LNPEP: variants seen among roughly 807,000 people sequenced by gnomAD.
LNPEP encodes leucyl and cystinyl aminopeptidase, also known as leucyl-cystinyl aminopeptidase.
In LNPEP, 64 loss-of-function variants were observed where a neutral mutation model predicts 120.6. The ratio of observed to expected loss-of-function variants is 0.53; its 90% CI spans 0.43 to 0.65. The LOEUF is 0.65. LNPEP is among the 30% of genes least tolerant of loss of function. The pLI, the probability that LNPEP is intolerant of heterozygous loss-of-function variation, is 0.00. For synonymous variants in LNPEP, 435 were observed against 425.4 expected (o/e 1.02, Z -0.28); for missense variants, 1,057 against 1,200.0 (o/e 0.88, Z 1.76).
chr5:97,028,014 CA>C (rs1458201090), intron 17 of LNPEP, among the ~76,000 whole-genome samples, 200 bp downstream of exon 17: 1 of 152,144 alleles, frequency 6.6e-6, no homozygotes, highest in Non-Finnish European at 1.5e-5. Flanking sequence ...AATCTGATTC[CA>C]TTCTCTTCCC....
chr5:96,939,050 C>A (rs1466829530), intron 1 of LNPEP, among the ~76,000 whole-genome samples: 1 of 150,338 alleles, frequency 6.7e-6, no homozygotes, highest in South Asian at 2.1e-4. Flanking sequence ...TTAAATAATT[C>A]TTTGATGTTT....
chr5:96,981,701 C>T (rs1790126937), intron 2 of LNPEP, among the ~76,000 whole-genome samples: 1 of 152,114 alleles, frequency 6.6e-6, no homozygotes, highest in Non-Finnish European at 1.5e-5. Context: ...CGTCAGACAC[C>T]TTGCGTAGAC....
At chr5:96,942,824 G>A (rs1789090508) in intron 1 of LNPEP, 1 of 152,582 alleles carries the variant, frequency 6.6e-6, no homozygotes, top group Admixed American at 6.5e-5. Flanking sequence ...GTATACATAT[G>A]TAACAAACCT....
chr5:97,010,470 A>T (rs1465659839), intron 11 of LNPEP: 1 of 985,222 alleles, frequency 1.0e-6, no homozygotes, highest in Non-Finnish European at 1.2e-6. Context: ...GGTATTAGAG[A>T]AGGGAATGCT....
chr5:96,994,760 C>A (rs1790469153), intron 6 of LNPEP, among the ~76,000 whole-genome samples: 1 of 152,110 alleles, frequency 6.6e-6, no homozygotes, highest in Non-Finnish European at 1.5e-5. Context: ...ATGAATCTAG[C>A]CTTTGTGAAG....
intron 1 of LNPEP, among the ~76,000 whole-genome samples, chr5:96,949,094 AT>A (rs1183427148): frequency 1.3e-5 from 2 of 152,230 alleles, no homozygotes; most frequent in African/African-American, 4.8e-5. Context: ...CTGGGAACTA[AT>A]GGTGTTTCTT....
In LNPEP at chr5:97,036,524, T is replaced by A. The variant is rs563670178; in HGVS notation, c.*7991T>A. ...TCACACTGTCTCCTCATCTACCATA[T>A]GGTAAATGTTAAAACTCCACATTTG... On this transcript the variant is annotated 3_prime_UTR_variant, in exon 18 of 18. Transcript: ENST00000231368. The A allele has an allele frequency of 6.6e-6, 1 of 152,302 alleles. No individual in the cohort carries two copies. The highest frequency in any genetic ancestry group is 1.9e-4 in the East Asian group (1 of 5,192). The allele number at this position is 152,302 out of a possible 1,614,324, so 9.4% of individuals were successfully genotyped here. A position where few individuals can be genotyped will look rare whatever the true frequency, so the allele number is the denominator to read the frequency against.
chr5:96,948,628 G>A (rs999595104), intron 1 of LNPEP, among the ~76,000 whole-genome samples: 4 of 151,970 alleles, frequency 2.6e-5, no homozygotes, highest in African/African-American at 9.7e-5. Context: ...AAATATTAAC[G>A]TAGCATGGTC....
intron 1 of LNPEP, chr5:96,937,118 A>G (rs1043240243): frequency 6.6e-6 from 1 of 152,202 alleles, no homozygotes; most frequent in Admixed American, 6.5e-5. Context: ...AAGAGGATTC[A>G]GTCTCTGGTT....
At chr5:96,953,806 G>A (rs1400777357) in intron 1 of LNPEP, among the ~76,000 whole-genome samples, 1 of 152,118 alleles carries the variant, frequency 6.6e-6, no homozygotes, top group African/African-American at 2.4e-5. Flanking sequence ...ACTAATTCAA[G>A]TTTTGTTTTT....
At chr5:96,961,937 C>G (rs1168949665) in intron 1 of LNPEP, among the ~76,000 whole-genome samples, 1 of 151,888 alleles carries the variant, frequency 6.6e-6, no homozygotes, top group Non-Finnish European at 1.5e-5. Context: ...GGTTTACTGC[C>G]CATGATGAAG....
At position 97,026,721 on chromosome 5, in the gene LNPEP, A is replaced by C. The variant is rs1302255433; in HGVS notation, c.2828A>C (p.Asp943Ala). ...RHFPGHLLAW[D>A]FVKENWNKLV... ...TTTCCTGGACACTTACTGGCATGGG[A>C]TTTTGTCAAAGAGAACTGGAATAAG... The change falls in exon 16 of 18, where the codon GAT (aspartate) becomes GCT (alanine). Residue 943 changes from aspartate to alanine, a missense_variant. Physicochemically the swap from Asp to Ala is moderately radical, Grantham distance 126 (BLOSUM62 -2). Coordinates refer to ENST00000231368, the MANE Select transcript of LNPEP (RefSeq NM_005575.3). 6.2e-7 allele frequency: 1 copy of C among 1,613,500 alleles called. No homozygotes were observed. Among genetic ancestry groups the C allele is most frequent in the African/African-American group, 1.3e-5 (1 of 74,894 alleles).
At chr5:97,026,317 A>G (rs1325959776) in intron 15 of LNPEP, among the ~76,000 whole-genome samples, 1 of 152,162 alleles carries the variant, frequency 6.6e-6, no homozygotes, top group Non-Finnish European at 1.5e-5. Context: ...AGAAAAAAAT[A>G]CCCACCTCCC....
At chr5:96,972,898 C>T (rs150189962) in intron 1 of LNPEP, among the ~76,000 whole-genome samples, 1 of 152,198 alleles carries the variant, frequency 6.6e-6, no homozygotes, top group East Asian at 1.9e-4. Context: ...GGGTGAGGGG[C>T]AGCAGAAGAA....
chr5:97,026,691 G>C lies in LNPEP; in HGVS notation c.2798G>C (p.Arg933Pro). Residue 933 changes from arginine to proline, a missense_variant, in exon 16 of 18, where the codon CGA becomes CCA. Transcript: ENST00000231368. ...KLSFIIRTVGRHFPGHLLAWD... is the reference protein window; with the variant it reads ...KLSFIIRTVGPHFPGHLLAWD... ...TCTTTTATCATTAGAACAGTGGGTCGACATTTTCCTGGACACTTACTGGCA... is the reference window on the plus strand; with the variant it reads ...TCTTTTATCATTAGAACAGTGGGTCCACATTTTCCTGGACACTTACTGGCA... The C allele has an allele frequency of 1.2e-6, 2 of 1,612,964 alleles. No homozygotes were observed. Among genetic ancestry groups the C allele is most frequent in the Non-Finnish European group, 1.7e-6 (2 of 1,178,962 alleles).
chr5:96,964,579 T>G (rs1789683198), intron 1 of LNPEP, among the ~76,000 whole-genome samples: 1 of 152,136 alleles, frequency 6.6e-6, no homozygotes, highest in South Asian at 2.1e-4. Context: ...TCCCTTGTTG[T>G]TTTAGGTTTT....
chr5:97,021,334 G>A (rs931147311), intron 13 of LNPEP, among the ~76,000 whole-genome samples: 2 of 152,136 alleles, frequency 1.3e-5, no homozygotes, highest in African/African-American at 4.8e-5. Flanking sequence ...GTGTATGGGT[G>A]TTGTACTATC....
chr5:96,956,247 A>G (rs995827160), intron 1 of LNPEP, among the ~76,000 whole-genome samples: 2 of 152,274 alleles, frequency 1.3e-5, no homozygotes, highest in African/African-American at 4.8e-5. Flanking sequence ...TTCTCTCTAT[A>G]TAAAAACACT....
At position 97,012,728 on chromosome 5, in the gene LNPEP, T is replaced by C. The variant is rs145421825; in HGVS notation, c.2036-920T>C. Among the ~76,000 whole-genome samples, 109 of 152,282 alleles carry C rather than the reference T, an allele frequency of 7.2e-4. 1 individual carries two copies. Among genetic ancestry groups the C allele is most frequent in the Non-Finnish European group, 1.3e-3 (90 of 68,010 alleles). Reference sequence around the variant, plus strand: ...TAAGGATTTTAAAAATTCATACATATATTTTGTGGTCAGTTAACTCTCAGC... The same window carrying C: ...TAAGGATTTTAAAAATTCATACATACATTTTGTGGTCAGTTAACTCTCAGC... On this transcript the variant is annotated intron_variant, in intron 11 of 17. Coordinates refer to ENST00000231368, the MANE Select transcript of LNPEP (RefSeq NM_005575.3).
Sources: gnomAD v4.1 joint callset for allele counts (sites outside exome capture counted in the v4.1 genomes callset) on GRCh38, gnomAD v4.1.1 for gene constraint, MANE v1.5 for transcripts, NCBI Gene and HGNC (gene_info 2026-07-23, HGNC 2026-07-21) for gene names.